PCDH11X: variants seen among roughly 807,000 people sequenced by gnomAD.
PCDH11X encodes the protein protocadherin 11 X-linked, also known as protocadherin-11 X-linked.
A neutral mutation model predicts 53.3 loss-of-function variants in PCDH11X; 18 were observed. The observed-to-expected ratio is 0.34, with a 90% CI of 0.23 to 0.50. PCDH11X has a LOEUF of 0.50. Among genes scored for constraint, PCDH11X ranks in the 20% least tolerant of loss-of-function variants. PCDH11X has a pLI of 0.98. For missense variants in PCDH11X, 570 were observed against 1,032.4 expected, an observed-to-expected ratio of 0.55 and a Z score of 6.14; for synonymous variants, 279 against 393.3, an observed-to-expected ratio of 0.71 and a Z score of 3.44.
intron 4 of PCDH11X, among the ~76,000 whole-genome samples, chrX:91,830,048 C>G (rs1937056946): frequency 1.8e-5 from 2 of 111,121 alleles, no homozygotes; most frequent in Non-Finnish European, 1.9e-5. Context: ...GAATGAGTCT[C>G]TTGCTTGATT....
intron 7 of PCDH11X, among the ~76,000 whole-genome samples, chrX:92,227,049 C>T (rs919754685): frequency 1.8e-5 from 2 of 111,473 alleles, no homozygotes; most frequent in Non-Finnish European, 3.8e-5. Context: ...ATAAAGTATA[C>T]ATTCTGAGCA....
chrX:92,321,729 G>A (rs1287436732), intron 8 of PCDH11X, among the ~76,000 whole-genome samples: 1 of 110,760 alleles, frequency 9.0e-6, no homozygotes, highest in Non-Finnish European at 1.9e-5. Context: ...GGTCAATTGC[G>A]TCTACACCCC....
chrX:92,040,949 G>GA (rs1253990187), intron 6 of PCDH11X, among the ~76,000 whole-genome samples: 2 of 98,828 alleles, frequency 2.0e-5, no homozygotes, highest in Non-Finnish European at 2.0e-5. Flanking sequence ...ATCTGCACAT[G>GA]AAAAAAAGAG....
chrX:92,477,318 G>A (rs1423592722), intron 10 of PCDH11X, among the ~76,000 whole-genome samples: 2 of 104,409 alleles, frequency 1.9e-5, no homozygotes, highest in East Asian at 6.2e-4. Context: ...ACCACAAGAT[G>A]CAATCCTTCC....
At chrX:92,209,139 C>T (rs772910454) in intron 7 of PCDH11X, among the ~76,000 whole-genome samples, 1 of 111,221 alleles carries the variant, frequency 9.0e-6, no homozygotes, top group East Asian at 2.9e-4. Context: ...ATCACTCCTC[C>T]ACCAACCCCT....
chrX:91,996,140 C>CTTT (rs753881311), intron 6 of PCDH11X, among the ~76,000 whole-genome samples: 21 of 66,602 alleles, frequency 3.2e-4, no homozygotes, highest in East Asian at 1.7e-3. Flanking sequence ...CACGCCTGGC[C>CTTT]TTTTTTTTTT....
intron 10 of PCDH11X, among the ~76,000 whole-genome samples, chrX:92,551,656 T>C (rs1191272028): frequency 9.1e-6 from 1 of 109,933 alleles, no homozygotes; most frequent in African/African-American, 3.3e-5. Flanking sequence ...GTTTCTCCAA[T>C]GTTTTCTTGT....
chrX:92,383,513 T>C (rs1284685053), intron 8 of PCDH11X, among the ~76,000 whole-genome samples: 1 of 110,105 alleles, frequency 9.1e-6, no homozygotes, highest in African/African-American at 3.3e-5. Context: ...GTGTGATGTT[T>C]CCCTCCCTGT....
At chrX:92,048,904 G>C (rs1325653651) in intron 6 of PCDH11X, among the ~76,000 whole-genome samples, 4 of 112,221 alleles carry the variant, frequency 3.6e-5, no homozygotes, top group Non-Finnish European at 7.5e-5. Context: ...AAATACATTT[G>C]TTTGGTTCAG....
At chrX:92,511,567 A>G (rs1286523545) in intron 10 of PCDH11X, among the ~76,000 whole-genome samples, 5 of 111,548 alleles carry the variant, frequency 4.5e-5, no homozygotes. Context: ...TAAATTATTG[A>G]TTGTAGCTAT....
At chrX:92,339,317 C>T (rs12832389) in intron 8 of PCDH11X, among the ~76,000 whole-genome samples, 9 of 111,587 alleles carry the variant, frequency 8.1e-5, no homozygotes, top group South Asian at 3.7e-4. Context: ...ATAAAAATAC[C>T]GGAAGAAAAT....
intron 6 of PCDH11X, among the ~76,000 whole-genome samples, chrX:92,068,627 C>A (rs1178124034): frequency 9.1e-6 from 1 of 109,427 alleles, no homozygotes; most frequent in East Asian, 2.9e-4. Flanking sequence ...GCAACCTCTG[C>A]TTTCCAGGTT....
intron 6 of PCDH11X, among the ~76,000 whole-genome samples, chrX:92,086,908 T>C (rs1030028343): frequency 7.0e-4 from 76 of 108,576 alleles, no homozygotes; most frequent in Non-Finnish European, 1.4e-3. Flanking sequence ...AAATTGCAAT[T>C]GGAAGGGGAA....
At chrX:92,503,767 G>A (rs2074002975) in intron 10 of PCDH11X, among the ~76,000 whole-genome samples, 1 of 110,902 alleles carries the variant, frequency 9.0e-6, no homozygotes, top group Admixed American at 9.6e-5. Context: ...ATGGATGCCG[G>A]GCTTAATATC....
chrX:92,453,389 T>C (rs2072841507), intron 9 of PCDH11X, among the ~76,000 whole-genome samples: 1 of 111,631 alleles, frequency 9.0e-6, no homozygotes, highest in Non-Finnish European at 1.9e-5. Flanking sequence ...GATGAATTCC[T>C]GTATACTGAC....
chrX:92,240,220 A>G (rs892315134), intron 7 of PCDH11X, among the ~76,000 whole-genome samples: 1 of 111,599 alleles, frequency 9.0e-6, no homozygotes, highest in Non-Finnish European at 1.9e-5. Flanking sequence ...TTGATGTTGG[A>G]GGACAGTGGT....
At chrX:91,905,807 C>G (rs1252934246) in intron 6 of PCDH11X, among the ~76,000 whole-genome samples, 1 of 110,717 alleles carries the variant, frequency 9.0e-6, no homozygotes, top group Non-Finnish European at 1.9e-5. Flanking sequence ...AAAAAATAAA[C>G]TAAATTGTGC....
intron 7 of PCDH11X, among the ~76,000 whole-genome samples, chrX:92,205,177 A>C (rs748059044): frequency 8.9e-6 from 1 of 112,020 alleles, no homozygotes; most frequent in Non-Finnish European, 1.9e-5. Flanking sequence ...AGTTGGAAGC[A>C]AAATGGGGTC....
chrX:92,496,368 C>A (rs5942261), intron 10 of PCDH11X, among the ~76,000 whole-genome samples: 30,534 of 102,598 alleles, frequency 0.3, 4,289 homozygotes, highest in Non-Finnish European at 0.37. Flanking sequence ...AATAATTATG[C>A]AAGGAAAAAT....
Sources: gnomAD v4.1 joint callset for allele counts (sites outside exome capture counted in the v4.1 genomes callset) on GRCh38, gnomAD v4.1.1 for gene constraint, MANE v1.5 for transcripts, NCBI Gene and HGNC (gene_info 2026-07-23, HGNC 2026-07-21) for gene names.